Variants in JPH2 observed in about 807,000 individuals in gnomAD.
The protein encoded by JPH2 is junctophilin 2, also known as junctophilin-2.
A neutral mutation model predicts 55.9 loss-of-function variants in JPH2; 38 were observed. The ratio of observed to expected loss-of-function variants is 0.68; its 90% CI spans 0.52 to 0.89. JPH2 has a LOEUF of 0.89. Among genes scored for constraint, JPH2 ranks in the 40% least tolerant of loss-of-function variants. The pLI is 0.00. For missense variants in JPH2, 964 were observed against 1,037.6 expected, an observed-to-expected ratio of 0.93 and a Z score of 0.97; for synonymous variants, 480 against 472.4, an observed-to-expected ratio of 1.02 and a Z score of -0.21.
In JPH2 at chr20:44,186,820, C is replaced by G; in HGVS notation, c.-115G>C. ...GGGCAGGCCCCCAGACTCACCACTG[C>G]ACCCCAGGAGGGGGGAAGCAGGATG... On this transcript the variant is annotated 5_prime_UTR_variant, in exon 1 of 6. Coordinates refer to ENST00000372980, the MANE Select transcript of JPH2 (RefSeq NM_020433.5). 1 of 1,060,538 alleles carries G rather than the reference C, an allele frequency of 9.4e-7. No individual in the cohort carries two copies. The highest frequency in any genetic ancestry group is 1.4e-6 in the Non-Finnish European group (1 of 711,646). The allele number at this position is 1,060,538 out of a possible 1,614,324, so 65.7% of individuals were successfully genotyped here.
intron 1 of JPH2, among the ~76,000 whole-genome samples, chr20:44,164,847 G>A: frequency 7.3e-6 from 1 of 136,714 alleles, no homozygotes. Flanking sequence ...TTTTTTTTTG[G>A]AGGTCGGGGG....
At chr20:44,162,416 T>C (rs970087397) in intron 1 of JPH2, among the ~76,000 whole-genome samples, 1 of 152,094 alleles carries the variant, frequency 6.6e-6, no homozygotes, top group Non-Finnish European at 1.5e-5. Flanking sequence ...AAAGTATCGA[T>C]CCTGGGTGTA....
chr20:44,127,300 T>A (rs1053185990), intron 2 of JPH2, among the ~76,000 whole-genome samples: 1 of 152,186 alleles, frequency 6.6e-6, no homozygotes, highest in Non-Finnish European at 1.5e-5. Flanking sequence ...GGACATGTTT[T>A]TATTCCTCTT....
chr20:44,112,958 T>C lies in JPH2; in HGVS notation c.*560A>G, dbSNP rs1055460956. On this transcript the variant is annotated 3_prime_UTR_variant, in exon 6 of 6. Coordinates refer to ENST00000372980, the MANE Select transcript of JPH2 (RefSeq NM_020433.5). ...ATTTCCTCTACTGTCATCCAGAACA[T>C]CTACAGGCAAGGGAGGGAGTGCAGG... 1 of 152,406 alleles carries C rather than the reference T, an allele frequency of 6.6e-6. No individual in the cohort carries two copies. Among genetic ancestry groups the C allele is most frequent in the Non-Finnish European group, 1.5e-5 (1 of 68,210 alleles). The allele number at this position is 152,406 out of a possible 1,614,324, so 9.4% of individuals were successfully genotyped here.
intron 1 of JPH2, among the ~76,000 whole-genome samples, chr20:44,163,160 C>A (rs942395036): frequency 1.3e-5 from 2 of 152,052 alleles, no homozygotes; most frequent in African/African-American, 4.8e-5. Flanking sequence ...CTATTTTGTT[C>A]TTGGATGGAT....
rs770986432 is a variant in JPH2 at position 44,115,879 on chromosome 20, G to C, written c.1796C>G (p.Pro599Arg). The C allele has an allele frequency of 1.5e-5, 23 of 1,582,102 alleles. No individual in the cohort carries two copies. In the South Asian group the frequency reaches 2.3e-4, roughly 16 times the overall value. The change falls in exon 4 of 6, where the codon CCG becomes CGG. Residue 599 changes from proline (P) to arginine (R), a missense_variant. By Grantham distance (103) the Pro-to-Arg change is moderately radical (BLOSUM62 -2). Transcript: ENST00000372980. Reference sequence around the variant, plus strand: ...GGGGGCCTGCAGCGGGGCGGTGGCCGGGGACGAGGGCGCGGACTCGGACCC... The same window carrying C: ...GGGGGCCTGCAGCGGGGCGGTGGCCCGGGACGAGGGCGCGGACTCGGACCC... ...VSGSESAPSS[P>R]ATAPLQAPTL...
In JPH2 at chr20:44,160,520, G is replaced by GCAAGGC. The variant is rs2072603278; in HGVS notation, c.380-119_380-114dup. 5 of 1,094,924 alleles carry GCAAGGC rather than the reference G, an allele frequency of 4.6e-6. No individual in the cohort carries two copies. Among genetic ancestry groups the GCAAGGC allele is most frequent in the Non-Finnish European group, 6.7e-6 (5 of 743,356 alleles). 67.8% of individuals were successfully genotyped at this position (1,094,924 alleles called of 1,614,324 possible). A position where few individuals can be genotyped will look rare whatever the true frequency, so the allele number is the denominator to read the frequency against. ...GCAAGGCGGGGTGGGACCGAGAGGC[G>GCAAGGC]CAAGGCCGTCTGAGGGTCAGGGTGC... On this transcript the variant is annotated intron_variant, in intron 1 of 5. Transcript: ENST00000372980. The surrounding 1 kb of genome is among the most constrained non-coding windows in gnomAD (Gnocchi z 4.9).
intron 2 of JPH2, among the ~76,000 whole-genome samples, chr20:44,131,132 A>G (rs1476714683): frequency 7.2e-5 from 11 of 152,310 alleles, no homozygotes; most frequent in Admixed American, 3.9e-4. Context: ...ACATGCATCT[A>G]AAGAACAGAA....
intron 2 of JPH2, among the ~76,000 whole-genome samples, chr20:44,124,152 G>A (rs2072259638): frequency 6.6e-6 from 1 of 152,132 alleles, no homozygotes; most frequent in South Asian, 2.1e-4. Context: ...TGGGATAGGA[G>A]CAGGGCTCTC....
chr20:44,133,960 T>A (rs1469203566), intron 2 of JPH2, among the ~76,000 whole-genome samples: 2 of 57,040 alleles, frequency 3.5e-5, no homozygotes, highest in East Asian at 1.2e-3. Flanking sequence ...TATAAATAAA[T>A]ATATATTATA....
chr20:44,161,802 A>G (rs1281951398), intron 1 of JPH2, among the ~76,000 whole-genome samples: 9 of 151,970 alleles, frequency 5.9e-5, no homozygotes, highest in African/African-American at 2.2e-4. Context: ...ACCTTCTCCT[A>G]TTCTCTCTAG....
chr20:44,160,903 G>C lies in JPH2; in HGVS notation c.380-496C>G, dbSNP rs1436426833. On this transcript the variant is annotated intron_variant, in intron 1 of 5. Transcript: ENST00000372980. This position sits in a 1 kb window ranked among gnomAD's most constrained non-coding sequence, Gnocchi z 4.9. ...GTTCAAGACCAACCTGGGCAACATG[G>C]TGAAACCTCTCTCTACAAAAAAATT... 6.6e-6 allele frequency among the ~76,000 whole-genome samples: 1 copy of C among 152,124 alleles called. No homozygotes were observed. Among genetic ancestry groups the C allele is most frequent in the African/African-American group, 2.4e-5 (1 of 41,418 alleles).
At chr20:44,141,987 C>T (rs764967254) in intron 2 of JPH2, among the ~76,000 whole-genome samples, 27 of 152,280 alleles carry the variant, frequency 1.8e-4, no homozygotes, top group Non-Finnish European at 3.2e-4. Flanking sequence ...GGCGAGCTCC[C>T]CATGCCTGGA....
chr20:44,174,667 G>A (rs73613460), intron 1 of JPH2, among the ~76,000 whole-genome samples: 3 of 152,044 alleles, frequency 2.0e-5, no homozygotes, highest in African/African-American at 7.2e-5. Context: ...CCAGCTACTC[G>A]GGAGGCTGAG....
chr20:44,134,084 T>TAATATA (rs1384905382), intron 2 of JPH2, among the ~76,000 whole-genome samples: 2 of 19,148 alleles, frequency 1.0e-4, no homozygotes, highest in African/African-American at 4.9e-4. Context: ...TATATATTTA[T>TAATATA]TATAAATATA....
At chr20:44,130,234 C>T (rs2072308105) in intron 2 of JPH2, among the ~76,000 whole-genome samples, 1 of 152,232 alleles carries the variant, frequency 6.6e-6, no homozygotes, top group South Asian at 2.1e-4. Flanking sequence ...GCACAAAAGC[C>T]TTTGCTGACC....
At chr20:44,167,210 A>G (rs2179680) in intron 1 of JPH2, among the ~76,000 whole-genome samples, 69,580 of 151,958 alleles carry the variant, frequency 0.46, 16,173 homozygotes, top group African/African-American at 0.51. Context: ...CACAGGTGCC[A>G]TTGAATAATT....
rs2072851331 is a variant in JPH2, at chr20:44,186,852, G to A, written c.-147C>T. 5 of 775,234 alleles carry A rather than the reference G, an allele frequency of 6.4e-6. No homozygotes were observed. The highest frequency in any genetic ancestry group is 8.2e-6 in the Non-Finnish European group (4 of 487,828). The allele number at this position is 775,234 out of a possible 1,614,324, so 48.0% of individuals were successfully genotyped here. On this transcript the variant is annotated 5_prime_UTR_variant, in exon 1 of 6. Transcript: ENST00000372980. ...GGAGGGGGGAAGCAGGATGCCAGCAGAGGCTGAAAGAGCCCCGGCGCCAAG... is the reference window on the plus strand; with the variant it reads ...GGAGGGGGGAAGCAGGATGCCAGCAAAGGCTGAAAGAGCCCCGGCGCCAAG...
intron 1 of JPH2, chr20:44,177,376 C>T (rs1335699925): frequency 8.1e-6 from 8 of 987,642 alleles, no homozygotes; most frequent in South Asian, 4.7e-5. Flanking sequence ...TAGCAGGTCC[C>T]GGAAACAAGC....
Sources: gnomAD v4.1 joint callset for allele counts (sites outside exome capture counted in the v4.1 genomes callset) on GRCh38, gnomAD v4.1.1 for gene constraint, Gnocchi (gnomAD v3.1) non-coding constraint, MANE v1.5 for transcripts, NCBI Gene and HGNC (gene_info 2026-07-23, HGNC 2026-07-21) for gene names.